ERF: variants seen among roughly 807,000 people sequenced by gnomAD.
ERF encodes ETS2 repressor factor, also known as ETS domain-containing transcription factor ERF.
In ERF, 10 loss-of-function variants were observed where a neutral mutation model predicts 41.6. The observed-to-expected ratio is 0.24, with a 90% CI of 0.15 to 0.41. The LOEUF (loss-of-function observed/expected upper bound fraction) is 0.41. ERF is among the 10% of genes least tolerant of loss of function. The pLI, the probability that ERF is intolerant of heterozygous loss-of-function variation, is 1.00. For synonymous variants in ERF, 395 were observed against 342.4 expected (o/e 1.15, Z -1.70); for missense variants, 621 against 763.2 (o/e 0.81, Z 2.19).
At position 42,255,082 on chromosome 19, in the gene ERF, C is replaced by T. The variant is rs1271438906; in HGVS notation, c.-83G>A. On this transcript the variant is annotated 5_prime_UTR_variant, in exon 1 of 4. Transcript: ENST00000222329. ...CTGCCCCGTCCCGTCCCGCGCCCGT[C>T]GGGCCGCCCTCGCCGCCTCACCCGG... 23 of 1,203,870 alleles carry T rather than the reference C, an allele frequency of 1.9e-5. No homozygotes were observed. The East Asian group carries it at 6.0e-4, about 31-fold the overall frequency. The allele number at this position is 1,203,870 out of a possible 1,614,324, so 74.6% of individuals were successfully genotyped here.
intron 1 of ERF, among the ~76,000 whole-genome samples, chr19:42,253,080 C>T (rs1041756234): frequency 1.3e-5 from 2 of 152,140 alleles, no homozygotes; most frequent in Admixed American, 6.5e-5. Context: ...AGGGATTCTC[C>T]CAGACAGACT....
chr19:42,250,161 C>T lies in ERF; in HGVS notation c.257+170G>A, dbSNP rs1243809836. The T allele has an allele frequency of 5.1e-6, 4 of 788,286 alleles. No individual in the cohort carries two copies. The highest frequency in any genetic ancestry group is 3.5e-5 in the African/African-American group (2 of 57,790). The allele number at this position is 788,286 out of a possible 1,614,324, so 48.8% of individuals were successfully genotyped here. ...GTGACTGTAATCTCTCCTCAGGATACGTCTGTGTTACCAAGGGGCTCAGGG... is the reference window on the plus strand; with the variant it reads ...GTGACTGTAATCTCTCCTCAGGATATGTCTGTGTTACCAAGGGGCTCAGGG... On this transcript the variant is annotated intron_variant, in intron 2 of 3. Transcript: ENST00000222329. The surrounding 1 kb of genome is among the most constrained non-coding windows in gnomAD (Gnocchi z 5.1).
chr19:42,253,638 G>C (rs1032281904), intron 1 of ERF, among the ~76,000 whole-genome samples: 1 of 152,040 alleles, frequency 6.6e-6, no homozygotes, highest in Non-Finnish European at 1.5e-5. Context: ...GGACGCACGT[G>C]ACTGACCCTA....
chr19:42,254,477 G>A (rs983614226), intron 1 of ERF: 1 of 153,058 alleles, frequency 6.5e-6, no homozygotes, highest in Non-Finnish European at 1.5e-5. Context: ...CCAGGACCCC[G>A]AGTCCCGGGC....
chr19:42,252,426 G>A (rs892868360), intron 1 of ERF, among the ~76,000 whole-genome samples: 1 of 144,232 alleles, frequency 6.9e-6, no homozygotes, highest in South Asian at 2.5e-4. Context: ...TGCAGCGACA[G>A]TCCTGGGAGC....
Position 42,250,573 on chromosome 19 carries a change from C to G in ERF, c.23-8G>C. ...AATCCGGGAAGGCAAACCCTGGGGA[C>G]GGGAGGCAGGGAGTGGCCTGGGGTC... On this transcript the variant is annotated splice_polypyrimidine_tract_variant and splice_region_variant and intron_variant, in intron 1 of 3. Coordinates refer to ENST00000222329, the MANE Select transcript of ERF (RefSeq NM_006494.4). The surrounding 1 kb of genome is among the most constrained non-coding windows in gnomAD (Gnocchi z 5.1). 6.2e-7 allele frequency: 1 copy of G among 1,611,962 alleles called. No homozygotes were observed. Among genetic ancestry groups the G allele is most frequent in the Non-Finnish European group, 8.5e-7 (1 of 1,179,390 alleles).
rs193184306 is a variant in ERF, at chr19:42,252,316, G to T, written c.23-1751C>A. Among the ~76,000 whole-genome samples the T allele has an allele frequency of 2.2e-3, 337 of 152,298 alleles. 1 individual carries two copies. Among genetic ancestry groups the T allele is most frequent in the Non-Finnish European group, 3.5e-3 (235 of 68,014 alleles). Reference sequence around the variant, plus strand: ...AAGCCCCTGAGACATCAATCTGGGGGTGGGGGATGTACTGACTTCCACCCT... The same window carrying T: ...AAGCCCCTGAGACATCAATCTGGGGTTGGGGGATGTACTGACTTCCACCCT... On this transcript the variant is annotated intron_variant, in intron 1 of 3. Coordinates refer to ENST00000222329, the MANE Select transcript of ERF (RefSeq NM_006494.4).
chr19:42,248,423 G>A lies in ERF; in HGVS notation c.*42C>T. On this transcript the variant is annotated 3_prime_UTR_variant, in exon 4 of 4. Transcript: ENST00000222329. The surrounding 1 kb of genome is among the most constrained non-coding windows in gnomAD (Gnocchi z 4.2). ...TAGGGGGCTTAAGGCAGCAAAAGAA[G>A]CATGGGGGGTGCGGGGCACACAGGT... 1 of 1,430,136 alleles carries A rather than the reference G, an allele frequency of 7.0e-7. No homozygotes were observed. Among genetic ancestry groups the A allele is most frequent in the Non-Finnish European group, 9.2e-7 (1 of 1,091,482 alleles). The allele number at this position is 1,430,136 out of a possible 1,614,324, so 88.6% of individuals were successfully genotyped here. A position where few individuals can be genotyped will look rare whatever the true frequency, so the allele number is the denominator to read the frequency against.
At chr19:42,251,423 CTG>C (rs1424308810) in intron 1 of ERF, 1 of 852,802 alleles carries the variant, frequency 1.2e-6, no homozygotes, top group African/African-American at 3.5e-5. Flanking sequence ...TGGCTGGTCT[CTG>C]GAGGGGGTGG....
At position 42,249,647 on chromosome 19, in the gene ERF, G is replaced by T; in HGVS notation, c.465C>A (p.Pro155=). The change falls in exon 4 of 4, where the codon CCC becomes CCA. Residue 155 remains proline, a synonymous_variant. Coordinates refer to ENST00000222329, the MANE Select transcript of ERF (RefSeq NM_006494.4). The surrounding 1 kb of genome is among the most constrained non-coding windows in gnomAD (Gnocchi z 8.6). ...CTGGTGGTGAGCGGGGGTCCTCGGTGGGGGACAGCACCTCGGAGGGCGTTG... is the reference window on the plus strand; with the variant it reads ...CTGGTGGTGAGCGGGGGTCCTCGGTTGGGGACAGCACCTCGGAGGGCGTTG... ...PPSTPSEVLS[P]TEDPRSPPAC... 1 of 1,610,028 alleles carries T rather than the reference G, an allele frequency of 6.2e-7. No homozygotes were observed. The highest frequency in any genetic ancestry group is 8.5e-7 in the Non-Finnish European group (1 of 1,178,104).
At position 42,250,707 on chromosome 19, in the gene ERF, G is replaced by GA. The variant is rs2036429752; in HGVS notation, c.23-143dup. 19 of 816,820 alleles carry GA rather than the reference G, an allele frequency of 2.3e-5. No individual in the cohort carries two copies. Among genetic ancestry groups the GA allele is most frequent in the Non-Finnish European group, 3.7e-5 (19 of 520,534 alleles). The allele number at this position is 816,820 out of a possible 1,614,324, so 50.6% of individuals were successfully genotyped here. A position where few individuals can be genotyped will look rare whatever the true frequency, so the allele number is the denominator to read the frequency against. ...AGCCAAGTCAAGATCTGATTTAAGAGAAGACAGTGCGTGTCTGTCTGTCTG... is the reference window on the plus strand; with the variant it reads ...AGCCAAGTCAAGATCTGATTTAAGAGAAAGACAGTGCGTGTCTGTCTGTCTG... On this transcript the variant is annotated intron_variant, in intron 1 of 3. Coordinates refer to ENST00000222329, the MANE Select transcript of ERF (RefSeq NM_006494.4). The surrounding 1 kb of genome is among the most constrained non-coding windows in gnomAD (Gnocchi z 5.1).
chr19:42,254,658 A>G, intron 1 of ERF: 1 of 243,602 alleles, frequency 4.1e-6, no homozygotes, highest in African/African-American at 2.3e-5. Context: ...CCAGAGTGCA[A>G]CGTGACAAGA....
chr19:42,250,152 C>T lies in ERF; in HGVS notation c.257+179G>A. ...GATCCACTGGTGACTGTAATCTCTC[C>T]TCAGGATACGTCTGTGTTACCAAGG... On this transcript the variant is annotated intron_variant, in intron 2 of 3. Transcript: ENST00000222329. This position sits in a 1 kb window ranked among gnomAD's most constrained non-coding sequence, Gnocchi z 5.1. 1.3e-6 allele frequency: 1 copy of T among 778,164 alleles called. No homozygotes were observed. 48.2% of individuals were successfully genotyped at this position (778,164 alleles called of 1,614,324 possible). A position where few individuals can be genotyped will look rare whatever the true frequency, so the allele number is the denominator to read the frequency against.
In ERF at chr19:42,249,041, G is replaced by A. The variant is rs1416962068; in HGVS notation, c.1071C>T (p.Thr357=). ...ACGAGGCCGAGGAGGGGACCGGTGG[G>A]GTCTCGGGTGCCATGGGCGGCAGCG... ...KCPLPPMAPE[T]PPVPSSASSS... The change falls in exon 4 of 4, where the codon ACC becomes ACT. Residue 357 remains threonine (T), a synonymous_variant. Coordinates refer to ENST00000222329, the MANE Select transcript of ERF (RefSeq NM_006494.4). The surrounding 1 kb of genome is among the most constrained non-coding windows in gnomAD (Gnocchi z 8.6). 5.6e-6 allele frequency: 9 copies of A among 1,612,274 alleles called. No homozygotes were observed. Among genetic ancestry groups the A allele is most frequent in the Non-Finnish European group, 7.6e-6 (9 of 1,179,208 alleles).
Position 42,248,550 on chromosome 19 carries a change from GCCTCCCCAGGCC to G in ERF, c.1550_1561del (p.Gly517_Glu520del), listed in dbSNP as rs1245804416. ...CCGCCTTGGGGTGAGGGGCCCCCCAGCCTCCCCAGGCCCCTCCCCACGCACCTTCTTGTCCTC... is the reference window on the plus strand; with the variant it reads ...CCGCCTTGGGGTGAGGGGCCCCCCAGCCTCCCCACGCACCTTCTTGTCCTC... On this transcript the variant is annotated inframe_deletion, in exon 4 of 4. Transcript: ENST00000222329. The surrounding 1 kb of genome is among the most constrained non-coding windows in gnomAD (Gnocchi z 4.2). The G allele has an allele frequency of 3.9e-6, 6 of 1,552,658 alleles. No individual in the cohort carries two copies. The highest frequency in any genetic ancestry group is 2.4e-5 in the South Asian group (2 of 82,052).
In ERF at chr19:42,248,900, G is replaced by T; in HGVS notation, c.1212C>A (p.Gly404=). 1 of 1,607,804 alleles carries T rather than the reference G, an allele frequency of 6.2e-7. No homozygotes were observed. ...CCCCCTCAGCCAGCCCGCCTGCACT[G>T]CCACCGCTCTTGTCAGCACCGGCTA... ...KAVAGADKSG[G]SAGGLAEGAG... The change falls in exon 4 of 4, where the codon GGC becomes GGA. Residue 404 remains glycine (G), a synonymous_variant. Transcript: ENST00000222329. The surrounding 1 kb of genome is among the most constrained non-coding windows in gnomAD (Gnocchi z 4.2).
Position 42,248,122 on chromosome 19 carries a change from T to TA in ERF, c.*342dup, listed in dbSNP as rs1159326570. On this transcript the variant is annotated 3_prime_UTR_variant, in exon 4 of 4. Coordinates refer to ENST00000222329, the MANE Select transcript of ERF (RefSeq NM_006494.4). This position sits in a 1 kb window ranked among gnomAD's most constrained non-coding sequence, Gnocchi z 4.2. ...CAAGGCTTTACTTCCTAAGCGATTG[T>TA]AATAGAAAAGTTCCTGGGTGTTAAG... 4.2e-6 allele frequency: 1 copy of TA among 239,118 alleles called. No individual in the cohort carries two copies. The highest frequency in any genetic ancestry group is 2.2e-5 in the African/African-American group (1 of 44,516). The allele number at this position is 239,118 out of a possible 1,614,324, so 14.8% of individuals were successfully genotyped here.
chr19:42,251,440 C>G, intron 1 of ERF: 1 of 536,408 alleles, frequency 1.9e-6, no homozygotes, highest in Non-Finnish European at 2.2e-6. Context: ...GGGTGGGCAG[C>G]CTGGGGTGGG....
intron 1 of ERF, chr19:42,253,797 G>A (rs1330460835): frequency 2.3e-6 from 2 of 851,674 alleles, no homozygotes; most frequent in South Asian, 4.5e-5. Context: ...GGGTGGGAAT[G>A]GGGTGGGGAT....
Sources: gnomAD v4.1 joint callset for allele counts (sites outside exome capture counted in the v4.1 genomes callset) on GRCh38, gnomAD v4.1.1 for gene constraint, Gnocchi (gnomAD v3.1) non-coding constraint, MANE v1.5 for transcripts, NCBI Gene and HGNC (gene_info 2026-07-23, HGNC 2026-07-21) for gene names.